MPDZ: variants seen among roughly 807,000 people sequenced by gnomAD.
MPDZ encodes multiple PDZ domain crumbs cell polarity complex component.
MPDZ carries 234 observed loss-of-function variants against 239.1 expected under a neutral mutation model. The observed-to-expected ratio is 0.98, with a 90% CI of 0.88 to 1.09. MPDZ has a LOEUF of 1.09. Ranked by LOEUF, MPDZ falls within the 50% of genes least tolerant of loss-of-function variation. The pLI, the probability that MPDZ is intolerant of heterozygous loss-of-function variation, is 0.00. For missense variants in MPDZ, 3,175 were observed against 2,510.0 expected, an observed-to-expected ratio of 1.26 and a Z score of -5.66; for synonymous variants, 1,048 against 881.3, an observed-to-expected ratio of 1.19 and a Z score of -3.35.
chr9:13,111,732 TGAAA>T (rs1563815147), intron 43 of MPDZ, among the ~76,000 whole-genome samples: 1 of 152,250 alleles, frequency 6.6e-6, no homozygotes, highest in Non-Finnish European at 1.5e-5. Flanking sequence ...ACTGGTGTTC[TGAAA>T]ATACTTTCTG....
At position 13,139,267 on chromosome 9, in the gene MPDZ, C is replaced by T. The variant is rs1017248492; in HGVS notation, c.4003+720G>A. On this transcript the variant is annotated intron_variant, in intron 28 of 46. Coordinates refer to ENST00000319217, the MANE Select transcript of MPDZ (RefSeq NM_001378778.1). ...TACAGCTTTCTTAAAGGAAATAATT[C>T]GATTTTTAAAATAAAACTTTTTAAA... is the stretch of plus-strand genomic sequence containing the variant. Among the ~76,000 whole-genome samples, 7 of 152,148 alleles carry T rather than the reference C, an allele frequency of 4.6e-5. No homozygotes were observed. In the East Asian group the frequency reaches 5.8e-4, roughly 13 times the overall value.
chr9:13,204,900 GAT>G, intron 12 of MPDZ, 134 bp downstream of exon 12: 2 of 467,144 alleles, frequency 4.3e-6, no homozygotes, highest in Non-Finnish European at 7.4e-6. Flanking sequence ...TATAAACAGG[GAT>G]TTACAAACTT....
At chr9:13,108,533 T>G (rs2130980713) in intron 46 of MPDZ, among the ~76,000 whole-genome samples, 1 of 152,250 alleles carries the variant, frequency 6.6e-6, no homozygotes, top group African/African-American at 2.4e-5. Flanking sequence ...CTTTATGTAC[T>G]TCTCTATAAC....
chr9:13,147,487 C>G (rs920138621), intron 26 of MPDZ, 61 bp downstream of exon 26: 2 of 1,266,302 alleles, frequency 1.6e-6, no homozygotes, highest in African/African-American at 2.9e-5. Context: ...GCCCTTGATA[C>G]ATTAGATTCC....
chr9:13,248,892 G>T (rs1967054536), intron 2 of MPDZ, among the ~76,000 whole-genome samples: 1 of 135,972 alleles, frequency 7.4e-6, no homozygotes, highest in Admixed American at 8.4e-5. Flanking sequence ...AAAATCCCTT[G>T]AACTCAAGAG....
rs759462151 is a variant in MPDZ, at chr9:13,121,865, T to C, written c.5105A>G (p.Gln1702Arg). ...TCTGTAGAGTGTCAGGCGCACTCTC[T>C]GTGGCGTCTGTCTCAGGACATTGAT... The part of the protein sequence containing the change: ...EAINVLRQTP[Q>R]RVRLTLYRDE... Residue 1702 changes from glutamine (Q) to arginine (R), a missense_variant, in exon 38 of 47, where the codon CAG becomes CGG. Physicochemically the swap from Gln to Arg is conservative, Grantham distance 43. Coordinates refer to ENST00000319217, the MANE Select transcript of MPDZ (RefSeq NM_001378778.1). 1 of 1,613,900 alleles carries C rather than the reference T, an allele frequency of 6.2e-7. No individual in the cohort carries two copies. Among genetic ancestry groups the C allele is most frequent in the South Asian group, 1.1e-5 (1 of 91,080 alleles).
At chr9:13,161,699 G>T (rs1274491228) in intron 23 of MPDZ, among the ~76,000 whole-genome samples, 1 of 152,026 alleles carries the variant, frequency 6.6e-6, no homozygotes, top group Non-Finnish European at 1.5e-5. Context: ...AAAAACACAG[G>T]CCCACAACTG....
intron 1 of MPDZ, among the ~76,000 whole-genome samples, chr9:13,256,982 T>C (rs1271866166): frequency 1.3e-5 from 2 of 152,158 alleles, no homozygotes; most frequent in African/African-American, 4.8e-5. Flanking sequence ...CTATGTTTGG[T>C]TTCAGGCATC....
At position 13,188,999 on chromosome 9, in the gene MPDZ, A is replaced by G. The variant is rs1038184205; in HGVS notation, c.2155-6T>C. ...CTTGCTGGATCAATTGGATCCTGAC[A>G]GAAGGCAAAAGGAAAGAGTCAGCTC... On this transcript the variant is annotated splice_region_variant and splice_polypyrimidine_tract_variant and intron_variant, in intron 16 of 46. Coordinates refer to ENST00000319217, the MANE Select transcript of MPDZ (RefSeq NM_001378778.1). The G allele has an allele frequency of 7.5e-6, 12 of 1,608,542 alleles. No homozygotes were observed. The African/African-American group carries it at 1.5e-4, about 20-fold the overall frequency.
intron 42 of MPDZ, 109 bp from the exon 43 acceptor site, chr9:13,112,255 G>A (rs569028226): frequency 3.5e-6 from 4 of 1,153,252 alleles, no homozygotes; most frequent in South Asian, 2.0e-5. Flanking sequence ...TAAGTGTGAG[G>A]GGGAAAATGA....
intron 24 of MPDZ, among the ~76,000 whole-genome samples, chr9:13,153,432 C>T (rs1351599423): frequency 6.6e-6 from 1 of 152,002 alleles, no homozygotes; most frequent in Non-Finnish European, 1.5e-5. Context: ...ACCATCCTTC[C>T]CTATTTTTGT....
At chr9:13,170,248 C>A (rs1012538121) in intron 21 of MPDZ, among the ~76,000 whole-genome samples, 7 of 151,804 alleles carry the variant, frequency 4.6e-5, no homozygotes, top group Admixed American at 4.6e-4. Context: ...CTACTCATAC[C>A]AAATTAGATA....
intron 3 of MPDZ, among the ~76,000 whole-genome samples, chr9:13,241,061 T>C (rs1192198069): frequency 6.6e-6 from 1 of 152,122 alleles, no homozygotes. Context: ...TTGCCCACGG[T>C]AAAACAAAAA....
In MPDZ at chr9:13,206,032, T is replaced by C. The variant is rs370724929; in HGVS notation, c.1358A>G (p.Gln453Arg). The change falls in exon 11 of 47, where the codon CAA becomes CGA. Residue 453 changes from glutamine (Q) to arginine (R), a missense_variant. Physicochemically the swap from Gln to Arg is conservative, Grantham distance 43. Coordinates refer to ENST00000319217, the MANE Select transcript of MPDZ (RefSeq NM_001378778.1). ...QAVEVLRHTGQTVLLTLMRRG... is the reference protein window; with the variant it reads ...QAVEVLRHTGRTVLLTLMRRG... ...CCTCATTAGTGTCAGGAGCACAGTT[T>C]GTCCTGTATGTCGCAATACCTCTAC... 6.2e-7 allele frequency: 1 copy of C among 1,612,910 alleles called. No individual in the cohort carries two copies. Among genetic ancestry groups the C allele is most frequent in the Non-Finnish European group, 8.5e-7 (1 of 1,179,566 alleles).
chr9:13,182,719 G>C (rs1953518364), intron 19 of MPDZ, among the ~76,000 whole-genome samples: 1 of 151,966 alleles, frequency 6.6e-6, no homozygotes, highest in African/African-American at 2.4e-5. Flanking sequence ...AAAATAGTAA[G>C]ATACCATTTC....
intron 40 of MPDZ, among the ~76,000 whole-genome samples, chr9:13,114,812 A>C (rs945474575): frequency 6.6e-6 from 1 of 152,020 alleles, no homozygotes; most frequent in Non-Finnish European, 1.5e-5. Context: ...AGACAGAAGA[A>C]TCTACTTCGC....
chr9:13,252,673 AC>A (rs1968405164), intron 1 of MPDZ, among the ~76,000 whole-genome samples: 3 of 151,958 alleles, frequency 2.0e-5, no homozygotes, highest in Admixed American at 6.6e-5. Flanking sequence ...ACATGGTGAT[AC>A]CCCATCTCTA....
intron 12 of MPDZ, among the ~76,000 whole-genome samples, chr9:13,199,301 T>C (rs1587727898): frequency 6.6e-6 from 1 of 152,060 alleles, no homozygotes; most frequent in East Asian, 1.9e-4. Context: ...TCTTGATTTC[T>C]TTTTTGGATT....
chr9:13,236,245 G>GTGTA (rs1554716045), intron 3 of MPDZ, among the ~76,000 whole-genome samples: 2 of 13,468 alleles, frequency 1.5e-4, no homozygotes, highest in African/African-American at 3.7e-4. Context: ...ATGTGTGTGT[G>GTGTA]TGTGTATATA....
Sources: allele counts gnomAD v4.1 joint callset (sites outside exome capture counted in the v4.1 genomes callset), GRCh38; gene constraint gnomAD v4.1.1; transcripts MANE v1.5; gene names NCBI Gene and HGNC (gene_info 2026-07-23, HGNC 2026-07-21).